The following OLFML2A variants were observed in gnomAD, a reference collection of about 807,000 sequenced individuals.
OLFML2A encodes olfactomedin-like protein 2A.
In OLFML2A, 47 loss-of-function variants were observed where a neutral mutation model predicts 60.9. The observed-to-expected ratio is 0.77, with a 90% CI of 0.61 to 0.98. The LOEUF (loss-of-function observed/expected upper bound fraction) is 0.98, where lower values mean the gene tolerates loss of function less well. Ranked by LOEUF, OLFML2A falls within the 50% of genes least tolerant of loss-of-function variation. The probability of loss-of-function intolerance (pLI) is 0.00; values close to 1 mark genes in which losing one functional copy is unlikely to be tolerated. For missense variants in OLFML2A, 922 were observed against 879.8 expected, an observed-to-expected ratio of 1.05 and a Z score of -0.61; for synonymous variants, 372 against 375.0, an observed-to-expected ratio of 0.99 and a Z score of 0.09.
Position 124,777,872 on chromosome 9 carries a change from C to G in OLFML2A, c.90+512C>G, listed in dbSNP as rs1841286182. Among the ~76,000 whole-genome samples, 1 of 152,162 alleles carries G rather than the reference C, an allele frequency of 6.6e-6. No individual in the cohort carries two copies. Among genetic ancestry groups the G allele is most frequent in the Non-Finnish European group, 1.5e-5 (1 of 68,020 alleles). The stretch of plus-strand genomic sequence containing the variant: ...AGGACTAGGTAGCTCCAGAAGTGGT[C>G]TGAGCTGTTCTCTGCTGTGGCTAAG... On this transcript the variant is annotated intron_variant, in intron 1 of 7. Transcript: ENST00000373580. The surrounding 1 kb of genome is among the most constrained non-coding windows in gnomAD (Gnocchi z 6.2).
intron 2 of OLFML2A, among the ~76,000 whole-genome samples, chr9:124,791,803 T>C (rs894761191): frequency 4.0e-5 from 6 of 150,822 alleles, no homozygotes; most frequent in Non-Finnish European, 5.9e-5. Flanking sequence ...ATAAATCTAG[T>C]GTTTTATTGT....
chr9:124,796,668 G>A (rs1841675873), intron 3 of OLFML2A, among the ~76,000 whole-genome samples: 1 of 152,178 alleles, frequency 6.6e-6, no homozygotes, highest in Non-Finnish European at 1.5e-5. Flanking sequence ...TCTGCCAAAG[G>A]GAAAAACCTC....
chr9:124,801,335 C>A lies in OLFML2A; in HGVS notation c.670-79C>A, dbSNP rs1841770288. On this transcript the variant is annotated intron_variant, in intron 4 of 7. Coordinates refer to ENST00000373580, the MANE Select transcript of OLFML2A (RefSeq NM_182487.4). ...TGGGGCAACATGGCCACCTCCAGTCCCCACATGCTGAGCCCCCAGGACTCC... is the reference window on the plus strand; with the variant it reads ...TGGGGCAACATGGCCACCTCCAGTCACCACATGCTGAGCCCCCAGGACTCC... 3.4e-6 allele frequency: 5 copies of A among 1,472,292 alleles called. No homozygotes were observed. In the East Asian group the frequency reaches 9.1e-5, roughly 27 times the overall value. The allele number at this position is 1,472,292 out of a possible 1,614,324, so 91.2% of individuals were successfully genotyped here.
rs73585462 is a variant in OLFML2A, at chr9:124,779,869, C to T, written c.90+2509C>T. Among the ~76,000 whole-genome samples the T allele has an allele frequency of 0.037, 5,677 of 152,272 alleles. 344 individuals carry two copies. Among genetic ancestry groups the T allele is most frequent in the African/African-American group, 0.13 (5,324 of 41,534 alleles). On this transcript the variant is annotated intron_variant, in intron 1 of 7. Coordinates refer to ENST00000373580, the MANE Select transcript of OLFML2A (RefSeq NM_182487.4). The surrounding 1 kb of genome is among the most constrained non-coding windows in gnomAD (Gnocchi z 4.1). ...TCCCTGGGGTGGAGGATGAGCCCTT[C>T]GGAGGGCCAGCCTGGGACTTGAAGT...
In OLFML2A at chr9:124,787,646, G is replaced by A. The variant is rs540658466; in HGVS notation, c.354+408G>A. Among the ~76,000 whole-genome samples the A allele has an allele frequency of 8.6e-5, 13 of 151,440 alleles. No individual in the cohort carries two copies. In the East Asian group the frequency reaches 2.0e-3, roughly 23 times the overall value. On this transcript the variant is annotated intron_variant, in intron 2 of 7. Transcript: ENST00000373580. ...ACGATCTCGGCTTGCTGCAACCTCCGTCCCCGGGTTCAAGCGATTCTCCTG... is the reference window on the plus strand; with the variant it reads ...ACGATCTCGGCTTGCTGCAACCTCCATCCCCGGGTTCAAGCGATTCTCCTG...
chr9:124,792,925 C>G (rs1841595129), intron 2 of OLFML2A, among the ~76,000 whole-genome samples: 2 of 115,308 alleles, frequency 1.7e-5, no homozygotes, highest in South Asian at 2.9e-4. Context: ...CATGCAGACC[C>G]TCGGGGCCAA....
At chr9:124,809,565 C>T (rs1010335341) in intron 7 of OLFML2A, among the ~76,000 whole-genome samples, 2 of 151,688 alleles carry the variant, frequency 1.3e-5, no homozygotes, top group Admixed American at 1.3e-4. Context: ...CCTAGCTGTG[C>T]CATTCCAGAG....
At chr9:124,800,991 GTT>G in intron 4 of OLFML2A, 7 of 1,550,568 alleles carry the variant, frequency 4.5e-6, no homozygotes, top group Non-Finnish European at 5.2e-6. Flanking sequence ...TCTGGGATGA[GTT>G]GGTCACCTTG....
chr9:124,800,215 C>T (rs1841748154), intron 4 of OLFML2A, among the ~76,000 whole-genome samples: 1 of 152,222 alleles, frequency 6.6e-6, no homozygotes, highest in Admixed American at 6.5e-5. Flanking sequence ...TGTGGCTTGG[C>T]AAATGGAGTG....
chr9:124,785,548 C>T (rs1207570192), intron 1 of OLFML2A, among the ~76,000 whole-genome samples: 2 of 151,864 alleles, frequency 1.3e-5, no homozygotes, highest in Admixed American at 1.3e-4. Context: ...CAGGCGCCCG[C>T]CATCACGCCC....
chr9:124,784,430 T>A (rs956687686), intron 1 of OLFML2A, among the ~76,000 whole-genome samples: 2 of 151,976 alleles, frequency 1.3e-5, no homozygotes, highest in Non-Finnish European at 2.9e-5. Flanking sequence ...CCTCGAACTC[T>A]TGACCTCATG....
chr9:124,792,430 C>A (rs372762785), intron 2 of OLFML2A, among the ~76,000 whole-genome samples: 252 of 152,326 alleles, frequency 1.7e-3, no homozygotes, highest in African/African-American at 5.3e-3. Context: ...ACCTTTGTCC[C>A]CAGATCTGGG....
Position 124,777,163 on chromosome 9 carries a change from C to G in OLFML2A, c.-108C>G. 2.6e-6 allele frequency: 1 copy of G among 379,944 alleles called. No individual in the cohort carries two copies. The allele number at this position is 379,944 out of a possible 1,614,324, so 23.5% of individuals were successfully genotyped here. ...CGCGGGGCTGGCAGCAGGGTGCAGG[C>G]GCGGGGCGCGGGGCAGGCAGAGCGG... On this transcript the variant is annotated 5_prime_UTR_variant, in exon 1 of 8. Transcript: ENST00000373580. The surrounding 1 kb of genome is among the most constrained non-coding windows in gnomAD (Gnocchi z 6.2).
In OLFML2A at chr9:124,807,975, C is replaced by CT; in HGVS notation, c.1354+9_1354+10insT. The CT allele has an allele frequency of 6.2e-7, 1 of 1,610,856 alleles. No homozygotes were observed. Among genetic ancestry groups the CT allele is most frequent in the Non-Finnish European group, 8.5e-7 (1 of 1,177,546 alleles). On this transcript the variant is annotated intron_variant, in intron 7 of 7. Transcript: ENST00000373580. ...GGAAAACTTCAAGCAAGGTCAGGGACCCCCGGAGGTGGAGAGGGGGCTGGG... is the reference window on the plus strand; with the variant it reads ...GGAAAACTTCAAGCAAGGTCAGGGACTCCCCGGAGGTGGAGAGGGGGCTGGG...
At chr9:124,787,700 A>G (rs1841503048) in intron 2 of OLFML2A, among the ~76,000 whole-genome samples, 1 of 151,844 alleles carries the variant, frequency 6.6e-6, no homozygotes, top group Non-Finnish European at 1.5e-5. Context: ...CTGGGATTAC[A>G]GACGTGCACC....
At position 124,804,184 on chromosome 9, in the gene OLFML2A, A is replaced by T; in HGVS notation, c.1010A>T (p.Gln337Leu). 1 of 1,614,170 alleles carries T rather than the reference A, an allele frequency of 6.2e-7. No homozygotes were observed. The highest frequency in any genetic ancestry group is 8.5e-7 in the Non-Finnish European group (1 of 1,180,004). Residue 337 changes from glutamine (Q) to leucine (L), a missense_variant, in exon 6 of 8, where the codon CAG becomes CTG. By Grantham distance (113) the Gln-to-Leu change is moderately radical (BLOSUM62 -2). Coordinates refer to ENST00000373580, the MANE Select transcript of OLFML2A (RefSeq NM_182487.4). ...TCCGCAGAGCCCAACTCCGCAGAGC[A>T]GGATGAGGCTGAGCCCAGGTCCTCC... ...SNSAEPNSAEQDEAEPRSSER... is the reference protein window; with the variant it reads ...SNSAEPNSAELDEAEPRSSER...
chr9:124,789,994 G>C (rs1456830083), intron 2 of OLFML2A, among the ~76,000 whole-genome samples: 1 of 152,162 alleles, frequency 6.6e-6, no homozygotes, highest in African/African-American at 2.4e-5. Flanking sequence ...ACACATGTTT[G>C]ACATGAGGAC....
intron 3 of OLFML2A, among the ~76,000 whole-genome samples, chr9:124,796,411 T>G (rs1277227139): frequency 6.6e-6 from 1 of 152,168 alleles, no homozygotes; most frequent in Non-Finnish European, 1.5e-5. Context: ...TCAACCCACT[T>G]CATGTAACTC....
Position 124,810,222 on chromosome 9 carries a change from C to G in OLFML2A, c.1769C>G (p.Thr590Arg), listed in dbSNP as rs1184291565. The change falls in exon 8 of 8, where the codon ACG (threonine) becomes AGG (arginine). Residue 590 changes from threonine to arginine, a missense_variant. Transcript: ENST00000373580. ...LVCGILYAVD[T>R]YNQQEGQVAY... ...TGCGGCATCCTGTATGCCGTGGACA[C>G]GTACAACCAGCAGGAAGGCCAGGTC... 1 of 1,613,556 alleles carries G rather than the reference C, an allele frequency of 6.2e-7. No individual in the cohort carries two copies. Among genetic ancestry groups the G allele is most frequent in the Non-Finnish European group, 8.5e-7 (1 of 1,179,990 alleles).
Sources: allele counts gnomAD v4.1 joint callset (sites outside exome capture counted in the v4.1 genomes callset), GRCh38; gene constraint gnomAD v4.1.1; non-coding constraint Gnocchi (gnomAD v3.1); transcripts MANE v1.5; gene names NCBI Gene and HGNC (gene_info 2026-07-23, HGNC 2026-07-21).